SLC2A12: variants seen among roughly 807,000 people sequenced by gnomAD.
SLC2A12 encodes solute carrier family 2, facilitated glucose transporter member 12.
In SLC2A12, 23 loss-of-function variants were observed where a neutral mutation model predicts 41.8. The ratio of observed to expected loss-of-function variants is 0.55; its 90% CI spans 0.40 to 0.78. The LOEUF is 0.78. Ranked by LOEUF, SLC2A12 falls within the 30% of genes least tolerant of loss-of-function variation. The pLI is 0.00. For synonymous variants in SLC2A12, 295 were observed against 285.9 expected (o/e 1.03, Z -0.32); for missense variants, 654 against 745.6 (o/e 0.88, Z 1.43).
intron 2 of SLC2A12, among the ~76,000 whole-genome samples, chr6:134,017,295 C>T (rs949792098): frequency 1.3e-5 from 2 of 152,106 alleles, no homozygotes; most frequent in African/African-American, 4.8e-5. Flanking sequence ...CCACACAAGC[C>T]ACATTCACCT....
chr6:134,049,225 G>A (rs373211904), intron 1 of SLC2A12, among the ~76,000 whole-genome samples: 38 of 152,344 alleles, frequency 2.5e-4, no homozygotes, highest in East Asian at 9.6e-4. Flanking sequence ...AGCTGAGTTC[G>A]TGAGTCCCGT....
intron 3 of SLC2A12, among the ~76,000 whole-genome samples, chr6:134,002,809 C>T (rs1776768634): frequency 6.6e-6 from 1 of 152,222 alleles, no homozygotes; most frequent in African/African-American, 2.4e-5. Context: ...AGATGCATCA[C>T]AAGAAGCAGG....
intron 1 of SLC2A12, among the ~76,000 whole-genome samples, chr6:134,040,398 A>C (rs1777366905): frequency 6.6e-6 from 1 of 152,142 alleles, no homozygotes; most frequent in African/African-American, 2.4e-5. Flanking sequence ...TCTTTATAGC[A>C]ATGCAAGAAC....
At chr6:134,033,810 G>C (rs1037937084) in intron 1 of SLC2A12, among the ~76,000 whole-genome samples, 38 of 152,114 alleles carry the variant, frequency 2.5e-4, no homozygotes, top group African/African-American at 8.5e-4. Flanking sequence ...TTGAGATGCA[G>C]GAGTCCCTTC....
At chr6:134,027,247 G>T (rs1397768893) in intron 2 of SLC2A12, among the ~76,000 whole-genome samples, 1 of 152,156 alleles carries the variant, frequency 6.6e-6, no homozygotes, top group Non-Finnish European at 1.5e-5. Context: ...AGTTAGCAGT[G>T]GATGACTAAA....
chr6:134,009,920 A>G (rs2811674), intron 2 of SLC2A12, among the ~76,000 whole-genome samples: 61,040 of 152,008 alleles, frequency 0.4, 12,310 homozygotes, highest in South Asian at 0.44. Flanking sequence ...GCTCCAGAGA[A>G]AGGGAAATAC....
Position 134,038,353 on chromosome 6 carries a change from C to CTT in SLC2A12, c.104-8634_104-8633dup, listed in dbSNP as rs10584884. 1.6e-3 allele frequency among the ~76,000 whole-genome samples: 160 copies of CTT among 97,524 alleles called. 24 individuals carry two copies. Among genetic ancestry groups the CTT allele is most frequent in the African/African-American group, 5.8e-3 (113 of 19,638 alleles). 64.0% of individuals were successfully genotyped at this position (97,524 alleles called of 152,430 possible). A position where few individuals can be genotyped will look rare whatever the true frequency, so the allele number is the denominator to read the frequency against. ...TTACTTTCATTCTTTTTCTTTCTGC[C>CTT]TTTTTTTTTTTTTTTTTTTTTTTTT... On this transcript the variant is annotated intron_variant, in intron 1 of 4. Coordinates refer to ENST00000275230, the MANE Select transcript of SLC2A12 (RefSeq NM_145176.3).
At chr6:134,010,205 C>T (rs992939551) in intron 2 of SLC2A12, among the ~76,000 whole-genome samples, 1 of 152,130 alleles carries the variant, frequency 6.6e-6, no homozygotes, top group Non-Finnish European at 1.5e-5. Context: ...TTCTTAAAAT[C>T]ACTAATTCCT....
chr6:133,995,420 G>A (rs984376329), intron 4 of SLC2A12, among the ~76,000 whole-genome samples: 3 of 152,088 alleles, frequency 2.0e-5, no homozygotes, highest in Non-Finnish European at 4.4e-5. Context: ...GTATGTGGAA[G>A]GGGTGGAAGT....
chr6:134,011,957 G>A (rs906351766), intron 2 of SLC2A12, among the ~76,000 whole-genome samples: 2 of 151,926 alleles, frequency 1.3e-5, no homozygotes, highest in African/African-American at 2.4e-5. Context: ...CAGGAGAATC[G>A]CTTGAGCCCA....
At chr6:133,993,458 A>C (rs761198695) in intron 4 of SLC2A12, among the ~76,000 whole-genome samples, 40 of 152,282 alleles carry the variant, frequency 2.6e-4, no homozygotes, top group East Asian at 1.9e-4. Flanking sequence ...CATCCTGACT[A>C]CTTCATTACC....
At chr6:134,040,058 G>GTTTTTTTTTTTTT (rs11371413) in intron 1 of SLC2A12, among the ~76,000 whole-genome samples, 1 of 139,332 alleles carries the variant, frequency 7.2e-6, no homozygotes, top group Non-Finnish European at 1.5e-5. Flanking sequence ...GTTGTTTTTT[G>GTTTTTTTTTTTTT]TTTTTTTTTT....
intron 1 of SLC2A12, among the ~76,000 whole-genome samples, chr6:134,043,717 G>A (rs561525887): frequency 6.0e-5 from 9 of 149,264 alleles, no homozygotes; most frequent in East Asian, 2.0e-4. Context: ...GCTTGAACCC[G>A]GGAGGCAGAG....
chr6:134,005,785 C>T (rs1307356711), intron 3 of SLC2A12, among the ~76,000 whole-genome samples: 1 of 148,496 alleles, frequency 6.7e-6, no homozygotes, highest in African/African-American at 2.5e-5. Context: ...TTCTGCCTGA[C>T]ACCTAAACAT....
chr6:134,019,945 G>A (rs1289256137), intron 2 of SLC2A12, among the ~76,000 whole-genome samples: 1 of 150,748 alleles, frequency 6.6e-6, no homozygotes, highest in Admixed American at 6.6e-5. Flanking sequence ...GAATCGCTTG[G>A]ACTCAGGAGG....
intron 1 of SLC2A12, 82 bp downstream of exon 1, chr6:134,052,296 C>CACACACACACACACA: frequency 8.9e-7 from 1 of 1,119,672 alleles, no homozygotes; most frequent in South Asian, 1.4e-5. Context: ...CACACACACA[C>CACACACACACACACA]GGGACTCAAG....
intron 3 of SLC2A12, among the ~76,000 whole-genome samples, chr6:134,006,187 AAAAAAC>A (rs1562192607): frequency 5.0e-5 from 7 of 141,228 alleles, no homozygotes; most frequent in South Asian, 5.0e-4. Context: ...AAAAAAAAAA[AAAAAAC>A]AAAAAAAAAA....
At chr6:134,006,639 T>C (rs902699768) in intron 3 of SLC2A12, among the ~76,000 whole-genome samples, 173 bp downstream of exon 3, 1 of 152,150 alleles carries the variant, frequency 6.6e-6, no homozygotes, top group African/African-American at 2.4e-5. Flanking sequence ...GGGTTATAAA[T>C]AGATTTACAT....
chr6:134,015,456 C>T (rs1000737867), intron 2 of SLC2A12, among the ~76,000 whole-genome samples: 5 of 152,086 alleles, frequency 3.3e-5, no homozygotes, highest in African/African-American at 1.2e-4. Context: ...TGCACATGTA[C>T]CCCTGAACTT....
Sources: allele counts gnomAD v4.1 joint callset (sites outside exome capture counted in the v4.1 genomes callset), GRCh38; gene constraint gnomAD v4.1.1; transcripts MANE v1.5; gene names NCBI Gene and HGNC (gene_info 2026-07-23, HGNC 2026-07-21).